SP4: variants seen among roughly 807,000 people sequenced by gnomAD.
SP4 encodes transcription factor Sp4.
SP4 carries 19 observed loss-of-function variants against 72.8 expected under a neutral mutation model. The ratio of observed to expected loss-of-function variants is 0.26; its 90% CI spans 0.18 to 0.38. SP4 has a LOEUF of 0.38. SP4 is among the 10% of genes least tolerant of loss of function. The pLI is 1.00. For missense variants in SP4, 1,008 were observed against 926.3 expected (o/e 1.09, Z -1.14); for synonymous variants, 395 against 333.1 (o/e 1.19, Z -2.02).
intron 5 of SP4, among the ~76,000 whole-genome samples, chr7:21,487,794 GGTGGTC>G (rs1023978789): frequency 7.0e-6 from 1 of 143,684 alleles, no homozygotes; most frequent in African/African-American, 2.7e-5. Flanking sequence ...TGGTGGTGGT[GGTGGTC>G]ATGGTGGTGA....
intron 3 of SP4, among the ~76,000 whole-genome samples, chr7:21,440,745 G>A (rs1173456056): frequency 6.6e-6 from 1 of 152,138 alleles, no homozygotes; most frequent in Non-Finnish European, 1.5e-5. Flanking sequence ...TCTACTCTGG[G>A]AGGCCGAGGT....
chr7:21,441,506 A>T (rs190082659), intron 3 of SP4, among the ~76,000 whole-genome samples: 6 of 152,290 alleles, frequency 3.9e-5, no homozygotes, highest in South Asian at 4.1e-4. Flanking sequence ...ATTGTGCCAA[A>T]ATAATAATAA....
intron 5 of SP4, among the ~76,000 whole-genome samples, chr7:21,490,642 C>T (rs1410902105): frequency 2.0e-5 from 3 of 152,074 alleles, no homozygotes; most frequent in South Asian, 2.1e-4. Context: ...ATTTTGAGAG[C>T]GATATAAAAG....
Position 21,428,188 on chromosome 7 carries a change from G to GGCCCCCCCCC in SP4, c.-64_-63insGCCCCCCCCC. 1 of 371,876 alleles carries GGCCCCCCCCC rather than the reference G, an allele frequency of 2.7e-6. No individual in the cohort carries two copies. Among genetic ancestry groups the GGCCCCCCCCC allele is most frequent in the East Asian group, 6.6e-5 (1 of 15,052 alleles). The allele number at this position is 371,876 out of a possible 1,614,324, so 23.0% of individuals were successfully genotyped here. ...CGGGACCGGCCTCTCCTCCCGCCTC[G>GGCCCCCCCCC]CCCCCACCCCCACCCACCTCTATCC... On this transcript the variant is annotated 5_prime_UTR_variant, in exon 1 of 6. Coordinates refer to ENST00000222584, the MANE Select transcript of SP4 (RefSeq NM_003112.5).
intron 3 of SP4, among the ~76,000 whole-genome samples, chr7:21,461,530 C>T (rs1047523736): frequency 1.4e-4 from 21 of 152,202 alleles, no homozygotes; most frequent in Admixed American, 5.9e-4. Context: ...GCAGGCCAGC[C>T]GCTCCAAGTG....
intron 5 of SP4, among the ~76,000 whole-genome samples, chr7:21,505,786 A>G (rs1277275422): frequency 6.6e-6 from 1 of 152,334 alleles, no homozygotes; most frequent in East Asian, 1.9e-4. Flanking sequence ...GAATTGGAGT[A>G]TTGTAACATG....
At chr7:21,498,974 G>T (rs546460040) in intron 5 of SP4, among the ~76,000 whole-genome samples, 1 of 151,812 alleles carries the variant, frequency 6.6e-6, no homozygotes, top group East Asian at 1.9e-4. Context: ...CAGCTATTCG[G>T]GAGGCTGAGG....
chr7:21,446,089 T>A (rs1783419329), intron 3 of SP4, among the ~76,000 whole-genome samples: 1 of 151,802 alleles, frequency 6.6e-6, no homozygotes, highest in African/African-American at 2.4e-5. Context: ...GCATACTTAG[T>A]GTATATGTTT....
intron 3 of SP4, among the ~76,000 whole-genome samples, chr7:21,467,388 CA>C (rs1447858544): frequency 6.6e-6 from 1 of 152,042 alleles, no homozygotes; most frequent in Non-Finnish European, 1.5e-5. Flanking sequence ...TATTATACAA[CA>C]ACTTCAAGTG....
chr7:21,503,023 T>G (rs1400520794), intron 5 of SP4, among the ~76,000 whole-genome samples: 1 of 152,060 alleles, frequency 6.6e-6, no homozygotes, highest in Non-Finnish European at 1.5e-5. Flanking sequence ...TCGAGTATAG[T>G]GAGTCCACCT....
intron 3 of SP4, among the ~76,000 whole-genome samples, chr7:21,473,667 T>C (rs1784414048): frequency 6.6e-6 from 1 of 152,158 alleles, no homozygotes; most frequent in African/African-American, 2.4e-5. Flanking sequence ...AGAGGAGAGA[T>C]TTGAACTCAG....
At chr7:21,509,275 G>A (rs1416223230) in intron 5 of SP4, among the ~76,000 whole-genome samples, 2 of 152,060 alleles carry the variant, frequency 1.3e-5, no homozygotes, top group Admixed American at 6.5e-5. Flanking sequence ...TTATCAAAAT[G>A]TGTTAAATTT....
intron 5 of SP4, among the ~76,000 whole-genome samples, chr7:21,483,915 A>G (rs953112896): frequency 1.3e-5 from 2 of 151,800 alleles, no homozygotes; most frequent in Non-Finnish European, 3.0e-5. Context: ...TATACTTTAA[A>G]CCTGTACCAA....
chr7:21,464,956 T>G (rs1227239067), intron 3 of SP4, among the ~76,000 whole-genome samples: 1 of 152,232 alleles, frequency 6.6e-6, no homozygotes, highest in African/African-American at 2.4e-5. Flanking sequence ...CACCATCAAC[T>G]TAGGCAAGTA....
chr7:21,464,221 C>A (rs1012263734), intron 3 of SP4, among the ~76,000 whole-genome samples: 1 of 150,974 alleles, frequency 6.6e-6, no homozygotes, highest in Admixed American at 6.6e-5. Context: ...CTTAGCCTCC[C>A]GAGTAGCTGG....
intron 3 of SP4, among the ~76,000 whole-genome samples, chr7:21,461,463 G>A (rs1035152014): frequency 3.3e-5 from 5 of 152,210 alleles, no homozygotes; most frequent in East Asian, 1.9e-4. Flanking sequence ...CGCATCCTCC[G>A]CAGCTGCTGA....
In SP4 at chr7:21,436,392, TAAC is replaced by T. The variant is rs1473665916; in HGVS notation, c.1678+5551_1678+5553del. Reference sequence around the variant, plus strand: ...GTGCTACGCATAGATCTTGTAGAAATAACAGACTTACAAAATGATAGAATTGTA... The same window carrying T: ...GTGCTACGCATAGATCTTGTAGAAATAGACTTACAAAATGATAGAATTGTA... On this transcript the variant is annotated intron_variant, in intron 3 of 5. Coordinates refer to ENST00000222584, the MANE Select transcript of SP4 (RefSeq NM_003112.5). Among the ~76,000 whole-genome samples the T allele has an allele frequency of 8.5e-5, 13 of 152,296 alleles. No individual in the cohort carries two copies. The South Asian group carries it at 2.7e-3, about 32-fold the overall frequency.
intron 5 of SP4, among the ~76,000 whole-genome samples, chr7:21,492,899 C>A (rs1317934838): frequency 6.6e-6 from 1 of 152,106 alleles, no homozygotes; most frequent in East Asian, 1.9e-4. Flanking sequence ...CACTCCTTAA[C>A]AAATTTGAAA....
At chr7:21,468,635 T>G (rs77570504) in intron 3 of SP4, among the ~76,000 whole-genome samples, 7,926 of 152,054 alleles carry the variant, frequency 0.052, 213 homozygotes, top group Non-Finnish European at 0.057. Flanking sequence ...TTATAATAAT[T>G]TGTTGATTTT....
Sources: allele counts gnomAD v4.1 joint callset (sites outside exome capture counted in the v4.1 genomes callset), GRCh38; gene constraint gnomAD v4.1.1; transcripts MANE v1.5; gene names NCBI Gene and HGNC (gene_info 2026-07-23, HGNC 2026-07-21).